PCSK2: variants seen among roughly 807,000 people sequenced by gnomAD.
The protein encoded by PCSK2 is neuroendocrine convertase 2.
A neutral mutation model predicts 69.7 loss-of-function variants in PCSK2; 14 were observed. That is an observed-to-expected ratio of 0.20 (90% CI 0.13 to 0.31). The LOEUF (loss-of-function observed/expected upper bound fraction) is 0.31, where lower values mean the gene tolerates loss of function less well. Ranked by LOEUF, PCSK2 falls within the 10% of genes least tolerant of loss-of-function variation. The probability of loss-of-function intolerance (pLI) is 1.00; values close to 1 mark genes in which losing one functional copy is unlikely to be tolerated. For missense variants in PCSK2, 544 were observed against 842.5 expected (o/e 0.65, Z 4.39); for synonymous variants, 307 against 320.7 (o/e 0.96, Z 0.46).
rs143263792 is a variant in PCSK2 at position 17,363,160 on chromosome 20, T to C, written c.505+2520T>C. 3.4e-4 allele frequency among the ~76,000 whole-genome samples: 52 copies of C among 152,362 alleles called. No homozygotes were observed. The East Asian group carries it at 0.01, about 29-fold the overall frequency. On this transcript the variant is annotated intron_variant, in intron 4 of 11. Coordinates refer to ENST00000262545, the MANE Select transcript of PCSK2 (RefSeq NM_002594.5). ...TTGTCTCTCCACATGTTGGCCTGTGTGGCAAATGTTCAATCATCTGCGTGC... is the reference window on the plus strand; with the variant it reads ...TTGTCTCTCCACATGTTGGCCTGTGCGGCAAATGTTCAATCATCTGCGTGC...
At chr20:17,249,486 G>C (rs1273386358) in intron 1 of PCSK2, among the ~76,000 whole-genome samples, 1 of 130,776 alleles carries the variant, frequency 7.6e-6, no homozygotes, top group Non-Finnish European at 1.5e-5. Flanking sequence ...CAGACTGGGA[G>C]AGAGCGAGAC....
chr20:17,259,189 A>G (rs1354311622), intron 1 of PCSK2, among the ~76,000 whole-genome samples: 1 of 152,136 alleles, frequency 6.6e-6, no homozygotes, highest in Non-Finnish European at 1.5e-5. Flanking sequence ...TCAATAGCCA[A>G]TACTTTGAGT....
chr20:17,246,801 G>GA (rs200516537), intron 1 of PCSK2, among the ~76,000 whole-genome samples: 3,550 of 143,600 alleles, frequency 0.025, 123 homozygotes, highest in African/African-American at 0.084. Flanking sequence ...AATTCTGCTT[G>GA]AAAAAAAAAA....
chr20:17,474,415 A>G (rs2033256809), intron 11 of PCSK2, among the ~76,000 whole-genome samples: 1 of 151,916 alleles, frequency 6.6e-6, no homozygotes, highest in Admixed American at 6.6e-5. Context: ...CCCTACTCCC[A>G]CCTGTCTTTC....
At chr20:17,409,402 T>A in intron 6 of PCSK2, 63 bp downstream of exon 6, 1 of 1,147,280 alleles carries the variant, frequency 8.7e-7, no homozygotes, top group Non-Finnish European at 1.3e-6. Flanking sequence ...TACTTTGTTT[T>A]GTTTCAGGCT....
intron 9 of PCSK2, among the ~76,000 whole-genome samples, chr20:17,454,997 A>C (rs1314085764): frequency 6.6e-6 from 1 of 152,102 alleles, no homozygotes; most frequent in East Asian, 1.9e-4. Context: ...AGAATGTGCC[A>C]GCTCCTCCCA....
intron 2 of PCSK2, among the ~76,000 whole-genome samples, chr20:17,327,591 C>T (rs565112120): frequency 1.7e-4 from 26 of 152,338 alleles, no homozygotes; most frequent in African/African-American, 6.3e-4. Flanking sequence ...GCGCCCGGAC[C>T]TGCTCGCTGC....
intron 2 of PCSK2, among the ~76,000 whole-genome samples, chr20:17,292,775 A>C (rs977774556): frequency 1.3e-5 from 2 of 152,014 alleles, no homozygotes; most frequent in African/African-American, 2.4e-5. Context: ...CAAGGCTCTT[A>C]TAGCTGGGTT....
rs542637804 is a variant in PCSK2, at chr20:17,474,566, C to T, written c.1431-7018C>T. 2.6e-5 allele frequency among the ~76,000 whole-genome samples: 4 copies of T among 152,314 alleles called. No homozygotes were observed. In the South Asian group the frequency reaches 8.3e-4, roughly 32 times the overall value. ...GTGGCCTGTGTTCTAGTTTCCCCTT[C>T]TCAGCCTCGCTGTCATTTTCCCTCC... is the stretch of plus-strand genomic sequence containing the variant. On this transcript the variant is annotated intron_variant, in intron 11 of 11. Coordinates refer to ENST00000262545, the MANE Select transcript of PCSK2 (RefSeq NM_002594.5).
At chr20:17,310,835 C>T (rs1428620012) in intron 2 of PCSK2, among the ~76,000 whole-genome samples, 1 of 151,548 alleles carries the variant, frequency 6.6e-6, no homozygotes, top group East Asian at 1.9e-4. Context: ...ACTAAAAATA[C>T]AAAAATTTTT....
intron 2 of PCSK2, among the ~76,000 whole-genome samples, chr20:17,313,387 C>G (rs1989577668): frequency 6.6e-6 from 1 of 152,048 alleles, no homozygotes; most frequent in South Asian, 2.1e-4. Context: ...TTCCCCCTCC[C>G]ACTCCTGCTG....
chr20:17,379,026 G>A (rs1452217569), intron 5 of PCSK2, among the ~76,000 whole-genome samples: 1 of 152,116 alleles, frequency 6.6e-6, no homozygotes, highest in Non-Finnish European at 1.5e-5. Flanking sequence ...AATTAACTTG[G>A]CAATAACCCC....
chr20:17,342,019 G>T (rs570354891), intron 2 of PCSK2, among the ~76,000 whole-genome samples: 123 of 152,258 alleles, frequency 8.1e-4, no homozygotes, highest in African/African-American at 2.8e-3. Flanking sequence ...AGGGGTAATT[G>T]ATTTTCTTTG....
intron 7 of PCSK2, among the ~76,000 whole-genome samples, chr20:17,435,677 A>G (rs1052173173): frequency 2.6e-5 from 4 of 152,302 alleles, no homozygotes; most frequent in Middle Eastern, 3.4e-3. Flanking sequence ...CCTTCATTCC[A>G]TAATCGCAGT....
intron 8 of PCSK2, among the ~76,000 whole-genome samples, chr20:17,447,178 G>A (rs2032715595): frequency 6.6e-6 from 1 of 151,560 alleles, no homozygotes; most frequent in Non-Finnish European, 1.5e-5. Context: ...GGCTGAGGCA[G>A]GAGAATATCT....
rs531821041 is a variant in PCSK2, at chr20:17,457,953, G to C, written c.1202+1505G>C. ...ATGGAAGACCTAAATAAATCAAAGT[G>C]GGGGAGTGAGGCTGCTGGACTCCTA... On this transcript the variant is annotated intron_variant, in intron 10 of 11. Transcript: ENST00000262545. Among the ~76,000 whole-genome samples the C allele has an allele frequency of 1.7e-4, 26 of 152,290 alleles. No individual in the cohort carries two copies. The East Asian group carries it at 3.9e-3, about 23-fold the overall frequency.
intron 1 of PCSK2, among the ~76,000 whole-genome samples, chr20:17,252,216 T>TA (rs552664115): frequency 2.4e-4 from 36 of 151,944 alleles, no homozygotes; most frequent in South Asian, 1.0e-3. Flanking sequence ...GGGGAGTGTT[T>TA]AAAAAAAAGC....
At chr20:17,277,396 G>A (rs1158373539) in intron 2 of PCSK2, among the ~76,000 whole-genome samples, 5 of 152,234 alleles carry the variant, frequency 3.3e-5, no homozygotes, top group African/African-American at 1.2e-4. Context: ...ACAGAACAGA[G>A]CCCTCAGAAA....
At chr20:17,408,757 G>A (rs1310832756) in intron 5 of PCSK2, among the ~76,000 whole-genome samples, 1 of 152,188 alleles carries the variant, frequency 6.6e-6, no homozygotes, top group Non-Finnish European at 1.5e-5. Context: ...AGGGCCTTGG[G>A]CATGGGGTTT....
Sources: allele counts gnomAD v4.1 joint callset (sites outside exome capture counted in the v4.1 genomes callset), GRCh38; gene constraint gnomAD v4.1.1; transcripts MANE v1.5; gene names NCBI Gene and HGNC (gene_info 2026-07-23, HGNC 2026-07-21).